ZNF710: variants seen among roughly 807,000 people sequenced by gnomAD.
ZNF710 encodes zinc finger protein 710.
In ZNF710, 13 loss-of-function variants were observed where a neutral mutation model predicts 50.6. The observed-to-expected ratio is 0.26, with a 90% CI of 0.17 to 0.41. The LOEUF is 0.41. Ranked by LOEUF, ZNF710 falls within the 10% of genes least tolerant of loss-of-function variation. The pLI is 1.00. For synonymous variants in ZNF710, 383 were observed against 397.0 expected (o/e 0.96, Z 0.42); for missense variants, 721 against 936.6 (o/e 0.77, Z 3.01).
intron 4 of ZNF710, chr15:90,075,622 T>C (rs1900567308): frequency 6.6e-6 from 1 of 152,238 alleles, no homozygotes. Flanking sequence ...TGGGATTATT[T>C]ACTGGAATGC....
chr15:90,073,507 A>G (rs955697237), intron 3 of ZNF710, among the ~76,000 whole-genome samples: 1 of 152,188 alleles, frequency 6.6e-6, no homozygotes, highest in African/African-American at 2.4e-5. Flanking sequence ...GTGCAGCCAC[A>G]GAGAAAGGAC....
At chr15:90,010,486 G>A (rs1898268619) in intron 1 of ZNF710, among the ~76,000 whole-genome samples, 2 of 151,954 alleles carry the variant, frequency 1.3e-5, no homozygotes, top group Admixed American at 1.3e-4. Context: ...TGTAGAGATG[G>A]GGTTTTTCCA....
intron 1 of ZNF710, among the ~76,000 whole-genome samples, chr15:90,019,850 G>T (rs773830496): frequency 3.9e-5 from 6 of 152,180 alleles, no homozygotes; most frequent in Non-Finnish European, 5.9e-5. Flanking sequence ...CTGGCTTTGA[G>T]GATTCCAGAG....
intron 1 of ZNF710, among the ~76,000 whole-genome samples, chr15:90,060,896 C>T (rs568711117): frequency 8.1e-4 from 124 of 152,290 alleles, no homozygotes; most frequent in African/African-American, 2.9e-3. Flanking sequence ...GGTTCAGCTG[C>T]AGGGCTGGAG....
intron 1 of ZNF710, among the ~76,000 whole-genome samples, chr15:90,021,537 G>A (rs763683241): frequency 1.6e-4 from 24 of 152,148 alleles, no homozygotes; most frequent in Non-Finnish European, 2.6e-4. Flanking sequence ...CTGAAAAATC[G>A]CCCTTTGTTC....
At chr15:90,042,482 T>A (rs1017775206) in intron 1 of ZNF710, among the ~76,000 whole-genome samples, 2 of 151,676 alleles carry the variant, frequency 1.3e-5, no homozygotes, top group Non-Finnish European at 2.9e-5. Context: ...ATGAGTAAGG[T>A]TGAGACTCGC....
rs764861172 is a variant in ZNF710 at position 90,074,100 on chromosome 15, G to GGTTGATGTGTTCC, written c.1651-4_1651-3insCGTTGATGTGTTC. 3 of 1,606,686 alleles carry GGTTGATGTGTTCC rather than the reference G, an allele frequency of 1.9e-6. No individual in the cohort carries two copies. The Admixed American group carries it at 5.2e-5, about 28-fold the overall frequency. On this transcript the variant is annotated splice_polypyrimidine_tract_variant and intron_variant, in intron 3 of 4. Transcript: ENST00000268154. ...GGTTCCCCACAGGCTCAGGACACCG[G>GGTTGATGTGTTCC]GTTGATGTGTTCTAGGTGTGCGGGA...
intron 1 of ZNF710, among the ~76,000 whole-genome samples, chr15:90,015,854 C>T (rs529441887): frequency 6.6e-6 from 1 of 152,276 alleles, no homozygotes; most frequent in African/African-American, 2.4e-5. Context: ...CAAGCAATCC[C>T]CCCTTCAGCC....
In ZNF710 at chr15:90,074,244, C is replaced by T. The variant is rs748605308; in HGVS notation, c.1779C>T (p.His593=). 1.9e-6 allele frequency: 3 copies of T among 1,613,690 alleles called. No homozygotes were observed. Among genetic ancestry groups the T allele is most frequent in the Non-Finnish European group, 8.5e-7 (1 of 1,179,904 alleles). Residue 593 remains histidine (H), a synonymous_variant, in exon 4 of 5, where the codon CAC becomes CAT. Coordinates refer to ENST00000268154, the MANE Select transcript of ZNF710 (RefSeq NM_198526.4). ...ATCTCAAGGGCAACCTGAGCCGGCACATGAAGGTCAAGCATGGCGTCATGG... is the reference window on the plus strand; with the variant it reads ...ATCTCAAGGGCAACCTGAGCCGGCATATGAAGGTCAAGCATGGCGTCATGG... ...KFNLKGNLSR[H]MKVKHGVMDI...
At chr15:90,026,712 T>C (rs1567225205) in intron 1 of ZNF710, among the ~76,000 whole-genome samples, 2 of 152,188 alleles carry the variant, frequency 1.3e-5, no homozygotes, top group Non-Finnish European at 1.5e-5. Flanking sequence ...GAGGAAAGAA[T>C]AGTCAATATT....
rs773042233 is a variant in ZNF710 at position 90,078,817 on chromosome 15, G to A, written c.1826-843G>A. On this transcript the variant is annotated intron_variant, in intron 4 of 4. Transcript: ENST00000268154. ...CTGGGGTCTGTTTCCCCCAAAACAC[G>A]CACATCTCAGCGGACAGGGCCAGAA... Among the ~76,000 whole-genome samples the A allele has an allele frequency of 7.2e-5, 11 of 152,292 alleles. No individual in the cohort carries two copies. The Middle Eastern group carries it at 0.01, about 141-fold the overall frequency.
rs1899253399 is a variant in ZNF710 at position 90,040,109 on chromosome 15, G to A, written c.-28-27001G>A. ...TGCCAGTGAGAACCAGAGCCTGGGG[G>A]CACTTTGTGCATGGTGGCCATACTG... On this transcript the variant is annotated intron_variant, in intron 1 of 4. Transcript: ENST00000268154. This position sits in a 1 kb window ranked among gnomAD's most constrained non-coding sequence, Gnocchi z 4.6. Among the ~76,000 whole-genome samples the A allele has an allele frequency of 6.6e-6, 1 of 152,226 alleles. No homozygotes were observed. The highest frequency in any genetic ancestry group is 1.9e-4 in the East Asian group (1 of 5,206).
intron 1 of ZNF710, among the ~76,000 whole-genome samples, chr15:90,030,260 C>T (rs1898893192): frequency 1.6e-5 from 2 of 125,588 alleles, no homozygotes; most frequent in African/African-American, 6.3e-5. Flanking sequence ...ACCTGGGAGG[C>T]AGAGGTTGCA....
chr15:90,010,480 G>C (rs962162709), intron 1 of ZNF710, among the ~76,000 whole-genome samples: 3 of 151,936 alleles, frequency 2.0e-5, no homozygotes, highest in African/African-American at 7.3e-5. Context: ...ATTTTTTGTA[G>C]AGATGGGGTT....
Position 90,067,303 on chromosome 15 carries a change from A to T in ZNF710, c.166A>T (p.Met56Leu). 6.2e-7 allele frequency: 1 copy of T among 1,610,558 alleles called. No homozygotes were observed. The highest frequency in any genetic ancestry group is 1.1e-5 in the South Asian group (1 of 90,600). ...GGGGCCCGAGCTTTCAGGGGCAGCC[A>T]TGGGAGAGCCCGAGCCACCAGGCCC... ...DLGPELSGAA[M>L]GEPEPPGPDV... is the part of the protein sequence containing the mutation. The change falls in exon 2 of 5, where the codon ATG (methionine) becomes TTG (leucine). Residue 56 changes from methionine (M) to leucine (L), a missense_variant. Around this residue, in one of 3 missense-constraint regions of ZNF710, gnomAD observed 326 missense variants for 347.1 expected, o/e 0.94. Transcript: ENST00000268154. The surrounding 1 kb of genome is among the most constrained non-coding windows in gnomAD (Gnocchi z 8.1).
chr15:90,042,192 C>A lies in ZNF710; in HGVS notation c.-28-24918C>A, dbSNP rs139505052. Among the ~76,000 whole-genome samples the A allele has an allele frequency of 2.9e-3, 443 of 152,220 alleles. 5 individuals carry two copies. The highest frequency in any genetic ancestry group is 9.3e-3 in the African/African-American group (386 of 41,538). ...GATTACAGGCGAGAGCCACCGTGCC[C>A]GGCCCCTGTGCCTCTTTGTATTTTC... On this transcript the variant is annotated intron_variant, in intron 1 of 4. Coordinates refer to ENST00000268154, the MANE Select transcript of ZNF710 (RefSeq NM_198526.4).
chr15:90,052,794 G>A (rs941729254), intron 1 of ZNF710, among the ~76,000 whole-genome samples: 7 of 152,160 alleles, frequency 4.6e-5, no homozygotes, highest in East Asian at 3.9e-4. Context: ...CTAGCCAGGC[G>A]TGTTGGCGCA....
At position 90,047,376 on chromosome 15, in the gene ZNF710, T is replaced by A. The variant is rs117484918; in HGVS notation, c.-28-19734T>A. 5.4e-4 allele frequency among the ~76,000 whole-genome samples: 82 copies of A among 152,258 alleles called. 1 individual carries two copies. The East Asian group carries it at 0.014, about 25-fold the overall frequency. On this transcript the variant is annotated intron_variant, in intron 1 of 4. Coordinates refer to ENST00000268154, the MANE Select transcript of ZNF710 (RefSeq NM_198526.4). The stretch of plus-strand genomic sequence containing the variant: ...CAGGTGCTCTTGGTACCACCCCACT[T>A]TAGTAAGGAGAAAGAGTCATGCCAT...
chr15:90,070,058 T>G (rs545941690), intron 2 of ZNF710, among the ~76,000 whole-genome samples: 1 of 152,192 alleles, frequency 6.6e-6, no homozygotes, highest in Non-Finnish European at 1.5e-5. Flanking sequence ...CAGGTCAAAC[T>G]TGTGACCCTG....
Sources: gnomAD v4.1 joint callset for allele counts (sites outside exome capture counted in the v4.1 genomes callset) on GRCh38, gnomAD v4.1.1 for gene constraint, gnomAD v4.1.1 regional missense constraint, Gnocchi (gnomAD v3.1) non-coding constraint, MANE v1.5 for transcripts, NCBI Gene and HGNC (gene_info 2026-07-23, HGNC 2026-07-21) for gene names.